The following PAK3 variants were observed in gnomAD, a reference collection of about 807,000 sequenced individuals.
The protein encoded by PAK3 is serine/threonine-protein kinase PAK 3.
PAK3 carries 4 observed loss-of-function variants against 41.0 expected under a neutral mutation model. That is an observed-to-expected ratio of 0.10 (90% CI 0.05 to 0.22). The LOEUF is 0.22. Ranked by LOEUF, PAK3 falls within the 10% of genes least tolerant of loss-of-function variation. The pLI is 1.00. For missense variants in PAK3, 205 were observed against 409.9 expected, an observed-to-expected ratio of 0.50 and a Z score of 4.32; for synonymous variants, 146 against 139.6, an observed-to-expected ratio of 1.05 and a Z score of -0.32.
At chrX:111,160,868 T>A (rs767125744) in intron 8 of PAK3, among the ~76,000 whole-genome samples, 9 of 112,654 alleles carry the variant, frequency 8.0e-5, no homozygotes, top group Admixed American at 2.8e-4. Context: ...TCTATCATTG[T>A]TGGACATTTG....
chrX:110,982,754 C>T (rs946657886), intron 1 of PAK3, among the ~76,000 whole-genome samples: 8 of 111,053 alleles, frequency 7.2e-5, no homozygotes, highest in Non-Finnish European at 1.3e-4. Context: ...GAGAAAAGCA[C>T]AAGGAGCTCT....
chrX:111,072,990 G>T lies in PAK3; in HGVS notation c.-27-50087G>T, dbSNP rs1047184917. On this transcript the variant is annotated intron_variant, in intron 1 of 14. Transcript: ENST00000425146. ...CCCATTGTTGGTTTCAGACAAAGCT[G>T]CCAGAAAAGAGGGCAGCACCATTTA... Among the ~76,000 whole-genome samples the T allele has an allele frequency of 5.5e-4, 62 of 111,763 alleles. 1 individual carries two copies. Among genetic ancestry groups the T allele is most frequent in the Non-Finnish European group, 3.8e-4 (20 of 53,151 alleles).
chrX:110,945,781 T>C (rs2090605546), intron 1 of PAK3, among the ~76,000 whole-genome samples: 1 of 111,857 alleles, frequency 8.9e-6, no homozygotes, highest in South Asian at 3.8e-4. Context: ...GGCCACTTTT[T>C]AATCAAAGAA....
At chrX:111,049,596 C>T (rs775398900) in intron 1 of PAK3, among the ~76,000 whole-genome samples, 2 of 112,148 alleles carry the variant, frequency 1.8e-5, no homozygotes, top group African/African-American at 6.5e-5. Context: ...AGACTAATCC[C>T]ACCCAAATTG....
chrX:111,010,839 T>C (rs1378736278), intron 1 of PAK3, among the ~76,000 whole-genome samples: 4 of 112,097 alleles, frequency 3.6e-5, no homozygotes, highest in African/African-American at 6.5e-5. Flanking sequence ...AAAAATGGTC[T>C]AGCGCACTAG....
intron 1 of PAK3, among the ~76,000 whole-genome samples, chrX:111,078,718 T>C (rs1257453422): frequency 1.8e-5 from 2 of 111,759 alleles, no homozygotes; most frequent in Non-Finnish European, 3.8e-5. Context: ...TAGAAATGAT[T>C]AAGCTTAGTG....
At chrX:111,218,434 A>G (rs893227965) in intron 17 of PAK3, among the ~76,000 whole-genome samples, 5 of 112,438 alleles carry the variant, frequency 4.4e-5, no homozygotes, top group African/African-American at 1.6e-4. Context: ...ATGGTTGATT[A>G]GAGAAATACT....
intron 16 of PAK3, among the ~76,000 whole-genome samples, chrX:111,210,076 C>A (rs190836326): frequency 1.8e-5 from 2 of 111,751 alleles, no homozygotes; most frequent in East Asian, 5.6e-4. Context: ...TCGAGAACAT[C>A]AGAAACTTCT....
Position 111,223,087 on chromosome X carries a change from A to C in PAK3, c.*2640A>C, listed in dbSNP as rs1046443771. ...TGCTGAAGGATTCACATTTGGTACA[A>C]TCGAGTAACTTGAACGCCAGATTGT... is the stretch of plus-strand genomic sequence containing the variant. On this transcript the variant is annotated 3_prime_UTR_variant, in exon 18 of 18. Coordinates refer to ENST00000372007, the MANE Select transcript of PAK3 (RefSeq NM_002578.5). 1.8e-5 allele frequency: 2 copies of C among 111,292 alleles called. No homozygotes were observed. Among genetic ancestry groups the C allele is most frequent in the Non-Finnish European group, 3.8e-5 (2 of 53,057 alleles). 9.2% of individuals were successfully genotyped at this position (111,292 alleles called of 1,213,427 possible). A position where few individuals can be genotyped will look rare whatever the true frequency, so the allele number is the denominator to read the frequency against.
chrX:110,981,114 T>C (rs2091440209), intron 1 of PAK3, among the ~76,000 whole-genome samples: 1 of 111,642 alleles, frequency 9.0e-6, no homozygotes. Flanking sequence ...CATTTGCTTC[T>C]GAGGCCTTCA....
At chrX:111,026,438 G>C (rs1299878318) in intron 1 of PAK3, among the ~76,000 whole-genome samples, 1 of 111,283 alleles carries the variant, frequency 9.0e-6, no homozygotes, top group Non-Finnish European at 1.9e-5. Flanking sequence ...CCTAGAACTG[G>C]GAAATGAATT....
At chrX:110,984,210 G>A (rs900257754) in intron 1 of PAK3, among the ~76,000 whole-genome samples, 3 of 111,939 alleles carry the variant, frequency 2.7e-5, no homozygotes, top group Admixed American at 1.9e-4. Context: ...TGTGCAGATG[G>A]GTGCAGACAT....
Position 111,083,572 on chromosome X carries a change from G to A in PAK3, c.-27-39505G>A, listed in dbSNP as rs537126665. 2.7e-5 allele frequency among the ~76,000 whole-genome samples: 3 copies of A among 112,047 alleles called. No homozygotes were observed. The South Asian group carries it at 1.1e-3, about 41-fold the overall frequency. On this transcript the variant is annotated intron_variant, in intron 1 of 14. Coordinates refer to the PAK3 transcript ENST00000425146. ...TGTTCCTTAACCTCTTCTTTAAGTG[G>A]AACATTTCCTCCTTTCCTTTGCCAC...
upstream of PAK3, among the ~76,000 whole-genome samples, chrX:111,091,899 G>C (rs1055531479): frequency 9.0e-6 from 1 of 111,502 alleles, no homozygotes; most frequent in African/African-American, 3.3e-5. Flanking sequence ...TTTTAGTGCA[G>C]CTGCTGTAGC....
intron 1 of PAK3, among the ~76,000 whole-genome samples, chrX:110,952,042 T>A (rs1450268905): frequency 8.9e-6 from 1 of 112,321 alleles, no homozygotes; most frequent in Non-Finnish European, 1.9e-5. Flanking sequence ...GGTCCTCCCA[T>A]GAGAAGTTAT....
intron 1 of PAK3, among the ~76,000 whole-genome samples, chrX:111,065,093 G>C (rs2092690748): frequency 8.9e-6 from 1 of 112,224 alleles, no homozygotes; most frequent in Non-Finnish European, 1.9e-5. Context: ...CCAGTACTAT[G>C]TTGAATAGGA....
chrX:111,131,211 T>C (rs1165525007), intron 5 of PAK3, among the ~76,000 whole-genome samples: 1 of 111,451 alleles, frequency 9.0e-6, no homozygotes, highest in Non-Finnish European at 1.9e-5. Flanking sequence ...AGGAAGTAAC[T>C]AGCTTTTGTA....
At chrX:111,017,261 TAAATA>T (rs1345720164) in intron 1 of PAK3, among the ~76,000 whole-genome samples, 1 of 109,918 alleles carries the variant, frequency 9.1e-6, no homozygotes, top group African/African-American at 3.3e-5. Context: ...GAAAATAAAA[TAAATA>T]AAATAGAATA....
At chrX:111,095,120 T>C (rs1478519901), upstream of PAK3, among the ~76,000 whole-genome samples, 1 of 111,690 alleles carries the variant, frequency 9.0e-6, no homozygotes, top group Admixed American at 9.5e-5. Flanking sequence ...GTGGAGAAAA[T>C]TGAATAAAAG....
Sources: allele counts gnomAD v4.1 joint callset (sites outside exome capture counted in the v4.1 genomes callset), GRCh38; gene constraint gnomAD v4.1.1; transcripts MANE v1.5; gene names NCBI Gene and HGNC (gene_info 2026-07-23, HGNC 2026-07-21).